The following KCNN2 variants were observed in gnomAD, a reference collection of about 807,000 sequenced individuals.
KCNN2 encodes potassium calcium-activated channel subfamily N member 2.
In KCNN2, 24 loss-of-function variants were observed where a neutral mutation model predicts 55.5. That is an observed-to-expected ratio of 0.43 (90% CI 0.31 to 0.61). The LOEUF (loss-of-function observed/expected upper bound fraction) is 0.61, where lower values mean the gene tolerates loss of function less well. KCNN2 is among the 20% of genes least tolerant of loss of function. KCNN2 has a pLI of 0.08. For synonymous variants in KCNN2, 431 were observed against 336.1 expected, an observed-to-expected ratio of 1.28 and a Z score of -3.09; for missense variants, 754 against 853.6, an observed-to-expected ratio of 0.88 and a Z score of 1.45.
chr5:114,144,778 G>A (rs955883739), intron 1 of KCNN2, among the ~76,000 whole-genome samples: 1 of 143,460 alleles, frequency 7.0e-6, no homozygotes, highest in Non-Finnish European at 1.5e-5. Context: ...TATAGACAGT[G>A]TATATATTTT....
intron 2 of KCNN2, among the ~76,000 whole-genome samples, chr5:114,339,638 A>G (rs1237172986): frequency 6.6e-6 from 1 of 151,934 alleles, no homozygotes; most frequent in Non-Finnish European, 1.5e-5. Context: ...CCCCATCTCT[A>G]CAAAAAATAC....
At chr5:114,312,968 G>C (rs2150026704) in intron 2 of KCNN2, among the ~76,000 whole-genome samples, 1 of 152,176 alleles carries the variant, frequency 6.6e-6, no homozygotes, top group Middle Eastern at 3.4e-3. Context: ...TTTCTCATTT[G>C]CTGTATTGCT....
At chr5:114,469,034 G>T (rs918512327) in intron 4 of KCNN2, among the ~76,000 whole-genome samples, 1 of 152,124 alleles carries the variant, frequency 6.6e-6, no homozygotes, top group African/African-American at 2.4e-5. Context: ...CAGTTTCTGC[G>T]CTATAATGGA....
chr5:114,077,329 C>T (rs1470995173), intron 1 of KCNN2, among the ~76,000 whole-genome samples: 2 of 152,224 alleles, frequency 1.3e-5, no homozygotes, highest in East Asian at 1.9e-4. Context: ...ACCCCAAAAC[C>T]ACTCCAGCGT....
chr5:114,446,667 G>A (rs867311570), intron 3 of KCNN2, among the ~76,000 whole-genome samples: 17 of 152,030 alleles, frequency 1.1e-4, no homozygotes, highest in African/African-American at 3.6e-4. Context: ...CACCATGTCG[G>A]CCAGGCTGGT....
intron 1 of KCNN2, among the ~76,000 whole-genome samples, chr5:114,216,959 A>C (rs139742017): frequency 9.2e-5 from 14 of 152,286 alleles, no homozygotes; most frequent in Non-Finnish European, 1.9e-4. Flanking sequence ...GCTTTCCTAT[A>C]TACCAGCAAT....
At chr5:114,447,409 A>T (rs1760460390) in intron 3 of KCNN2, among the ~76,000 whole-genome samples, 1 of 152,200 alleles carries the variant, frequency 6.6e-6, no homozygotes, top group Non-Finnish European at 1.5e-5. Flanking sequence ...AATAGAAGGA[A>T]ATGTCTCTGG....
At chr5:114,151,064 G>T (rs1441234876) in intron 1 of KCNN2, among the ~76,000 whole-genome samples, 1 of 150,798 alleles carries the variant, frequency 6.6e-6, no homozygotes, top group Non-Finnish European at 1.5e-5. Flanking sequence ...AATAAAGCAA[G>T]ATTCCTTTCA....
chr5:114,287,981 A>G (rs1230316644), intron 2 of KCNN2, among the ~76,000 whole-genome samples: 2 of 152,222 alleles, frequency 1.3e-5, no homozygotes, highest in African/African-American at 2.4e-5. Context: ...AAATCATACT[A>G]TCAATACATA....
intron 2 of KCNN2, among the ~76,000 whole-genome samples, chr5:114,394,195 A>G (rs567241811): frequency 9.3e-4 from 141 of 152,296 alleles, no homozygotes; most frequent in African/African-American, 3.2e-3. Flanking sequence ...TGCCTATTCA[A>G]TCTGACAGGT....
At chr5:114,489,313 T>C (rs1348875503) in intron 6 of KCNN2, among the ~76,000 whole-genome samples, 1 of 152,120 alleles carries the variant, frequency 6.6e-6, no homozygotes, top group Non-Finnish European at 1.5e-5. Context: ...AAAAAAGTAT[T>C]TGGGGAAGTT....
chr5:114,409,884 TCTC>T (rs1230480305), intron 3 of KCNN2, among the ~76,000 whole-genome samples: 1 of 152,144 alleles, frequency 6.6e-6, no homozygotes, highest in East Asian at 1.9e-4. Context: ...TCTCTCTCTC[TCTC>T]TTTTTGGTGA....
intron 3 of KCNN2, among the ~76,000 whole-genome samples, chr5:114,418,983 G>A (rs1006793418): frequency 3.3e-5 from 5 of 152,308 alleles, no homozygotes; most frequent in African/African-American, 1.2e-4. Context: ...GAATGTGCCT[G>A]AGTAGACTAA....
chr5:114,257,767 T>C (rs1755013062), intron 2 of KCNN2, among the ~76,000 whole-genome samples: 1 of 152,216 alleles, frequency 6.6e-6, no homozygotes, highest in Non-Finnish European at 1.5e-5. Context: ...TTGAGGGTTT[T>C]CTAGGTATAA....
At chr5:114,264,001 C>T (rs1285225283) in intron 2 of KCNN2, among the ~76,000 whole-genome samples, 1 of 152,200 alleles carries the variant, frequency 6.6e-6, no homozygotes, top group Non-Finnish European at 1.5e-5. Context: ...ACATTCCCTA[C>T]CACCCAGCTG....
intron 2 of KCNN2, among the ~76,000 whole-genome samples, chr5:114,262,838 C>G (rs10455026): frequency 0.1 from 15,904 of 152,154 alleles, 981 homozygotes; most frequent in Middle Eastern, 0.24. Flanking sequence ...AATGACTTGA[C>G]CTTCCTGGGC....
chr5:114,230,081 T>G (rs190326665), intron 2 of KCNN2, among the ~76,000 whole-genome samples: 1 of 152,300 alleles, frequency 6.6e-6, no homozygotes, highest in African/African-American at 2.4e-5. Context: ...GACCTACAAC[T>G]AAGAGATTGT....
chr5:114,230,965 T>C (rs183771655), intron 2 of KCNN2, among the ~76,000 whole-genome samples: 3,601 of 23,390 alleles, frequency 0.15, 1,455 homozygotes, highest in South Asian at 0.47. Flanking sequence ...GACTTCTTAA[T>C]GATTGCCATT....
At chr5:114,264,950 A>T (rs1039805512) in intron 2 of KCNN2, among the ~76,000 whole-genome samples, 1 of 152,244 alleles carries the variant, frequency 6.6e-6, no homozygotes, top group South Asian at 2.1e-4. Context: ...CTAACTCAGC[A>T]TATGAGTCCT....
Sources: gnomAD v4.1 joint callset for allele counts (sites outside exome capture counted in the v4.1 genomes callset) on GRCh38, gnomAD v4.1.1 for gene constraint, MANE v1.5 for transcripts, NCBI Gene and HGNC (gene_info 2026-07-23, HGNC 2026-07-21) for gene names.